SERPINE2: variants seen among roughly 807,000 people sequenced by gnomAD.
SERPINE2 encodes the protein serpin family E member 2.
In SERPINE2, 14 loss-of-function variants were observed where a neutral mutation model predicts 36.3. The observed-to-expected ratio is 0.39, with a 90% CI of 0.25 to 0.60. The LOEUF is 0.60. SERPINE2 is among the 20% of genes least tolerant of loss of function. The pLI is 0.57. For synonymous variants in SERPINE2, 192 were observed against 191.8 expected (o/e 1.00, Z -0.01); for missense variants, 418 against 499.6 (o/e 0.84, Z 1.56).
intron 1 of SERPINE2, among the ~76,000 whole-genome samples, chr2:224,017,745 A>G (rs1239708191): frequency 6.6e-6 from 1 of 152,152 alleles, no homozygotes; most frequent in African/African-American, 2.4e-5. Context: ...AAGGATTTTA[A>G]AAAGTACTAT....
At chr2:224,004,676 T>G (rs1397176026) in intron 1 of SERPINE2, among the ~76,000 whole-genome samples, 2 of 152,028 alleles carry the variant, frequency 1.3e-5, no homozygotes, top group Non-Finnish European at 2.9e-5. Flanking sequence ...TTCTTTCTTT[T>G]GAGCAATAAA....
At chr2:223,995,218 A>C (rs1318314737) in intron 3 of SERPINE2, among the ~76,000 whole-genome samples, 2 of 152,138 alleles carry the variant, frequency 1.3e-5, no homozygotes, top group Non-Finnish European at 2.9e-5. Flanking sequence ...CTCCTGCAAA[A>C]GGCCTGCGCG....
At chr2:223,996,680 C>T (rs1436012358) in intron 3 of SERPINE2, among the ~76,000 whole-genome samples, 1 of 152,208 alleles carries the variant, frequency 6.6e-6, no homozygotes, top group Non-Finnish European at 1.5e-5. Flanking sequence ...GATGCAGGGA[C>T]ACCAGTAACC....
intron 6 of SERPINE2, chr2:223,982,341 G>A (rs564683247): frequency 1.2e-5 from 2 of 166,462 alleles, no homozygotes; most frequent in African/African-American, 4.8e-5. Context: ...GGTTGGTGAG[G>A]AGCTAAAAAT....
chr2:224,019,373 G>C (rs13022548), intron 1 of SERPINE2, among the ~76,000 whole-genome samples: 19,156 of 152,214 alleles, frequency 0.13, 1,327 homozygotes, highest in Middle Eastern at 0.19. Context: ...TCAGACTGCA[G>C]GTAACTTAGG....
chr2:223,995,486 T>C (rs1222129074), intron 3 of SERPINE2, among the ~76,000 whole-genome samples: 1 of 152,236 alleles, frequency 6.6e-6, no homozygotes, highest in Non-Finnish European at 1.5e-5. Context: ...TGAAGAATTG[T>C]GCTGCTTCTC....
intron 1 of SERPINE2, chr2:224,010,296 A>G: frequency 3.2e-6 from 3 of 951,598 alleles, no homozygotes; most frequent in Non-Finnish European, 3.8e-6. Flanking sequence ...ATTCTATGAC[A>G]CTAATTAATT....
chr2:223,984,621 C>T (rs940263277), intron 5 of SERPINE2, 131 bp downstream of exon 5: 1 of 805,858 alleles, frequency 1.2e-6, no homozygotes, highest in African/African-American at 1.7e-5. Flanking sequence ...GTAATCCCAC[C>T]ATGAAATTTC....
chr2:223,995,271 G>A (rs1249515476), intron 3 of SERPINE2, among the ~76,000 whole-genome samples: 1 of 152,192 alleles, frequency 6.6e-6, no homozygotes, highest in African/African-American at 2.4e-5. Flanking sequence ...TATCATTTCC[G>A]TGAGACAGAC....
At chr2:224,028,200 A>G (rs1028424471) in intron 1 of SERPINE2, among the ~76,000 whole-genome samples, 2 of 152,238 alleles carry the variant, frequency 1.3e-5, no homozygotes. Flanking sequence ...TGAATTCTCA[A>G]CCTGCCACAG....
At chr2:224,023,397 T>C (rs1692078591) in intron 1 of SERPINE2, among the ~76,000 whole-genome samples, 1 of 152,242 alleles carries the variant, frequency 6.6e-6, no homozygotes, top group South Asian at 2.1e-4. Context: ...CACCATTTGG[T>C]GATCCAGCCT....
chr2:224,015,592 G>C (rs1212117425), intron 1 of SERPINE2, among the ~76,000 whole-genome samples: 7 of 152,130 alleles, frequency 4.6e-5, no homozygotes, highest in Non-Finnish European at 1.0e-4. Flanking sequence ...CCAACAAATA[G>C]GCAGCTCATC....
intron 1 of SERPINE2, chr2:224,030,087 T>C (rs1574851872): frequency 1.0e-6 from 1 of 985,436 alleles, no homozygotes; most frequent in Non-Finnish European, 1.2e-6. Flanking sequence ...ACGTGTTCCC[T>C]GGAAGACCTC....
At chr2:223,979,659 TG>T (rs1232944475) in intron 7 of SERPINE2, 30 of 152,226 alleles carry the variant, frequency 2.0e-4, no homozygotes. Context: ...AGGAAGCAGA[TG>T]TGGATGTTCT....
chr2:223,993,308 G>A (rs765962477), intron 3 of SERPINE2, among the ~76,000 whole-genome samples: 1 of 152,168 alleles, frequency 6.6e-6, no homozygotes, highest in Non-Finnish European at 1.5e-5. Flanking sequence ...AATGCTACCC[G>A]TGGCTGAAAG....
chr2:224,005,065 T>TATATATATATA lies in SERPINE2; in HGVS notation c.-22-3144_-22-3143insTATATATATAT, dbSNP rs1553547020. The stretch of plus-strand genomic sequence containing the variant: ...ATATATTTTATATATTTTATATATA[T>TATATATATATA]TATATATATATATATATATATATAT... On this transcript the variant is annotated intron_variant, in intron 1 of 8. Coordinates refer to ENST00000409304, the MANE Select transcript of SERPINE2 (RefSeq NM_001136528.2). 2.3e-3 allele frequency among the ~76,000 whole-genome samples: 77 copies of TATATATATATA among 33,466 alleles called. 2 individuals carry two copies. Among genetic ancestry groups the TATATATATATA allele is most frequent in the Non-Finnish European group, 3.9e-3 (61 of 15,488 alleles). 22.0% of individuals were successfully genotyped at this position (33,466 alleles called of 152,430 possible).
intron 1 of SERPINE2, among the ~76,000 whole-genome samples, chr2:224,004,340 T>C (rs1054904699): frequency 3.3e-5 from 5 of 152,224 alleles, no homozygotes; most frequent in African/African-American, 1.2e-4. Context: ...GTTTCTTATA[T>C]GTTGTGAAAC....
intron 1 of SERPINE2, among the ~76,000 whole-genome samples, chr2:224,019,165 T>A (rs1691903106): frequency 6.6e-6 from 1 of 152,164 alleles, no homozygotes; most frequent in Admixed American, 6.5e-5. Flanking sequence ...TACACTATGT[T>A]TTTTTCCTGT....
intron 1 of SERPINE2, among the ~76,000 whole-genome samples, chr2:224,020,636 C>T (rs1286735808): frequency 6.6e-6 from 1 of 152,206 alleles, no homozygotes; most frequent in Non-Finnish European, 1.5e-5. Context: ...GGCTAAACTG[C>T]AAATGCCCCA....
Sources: gnomAD v4.1 joint callset for allele counts (sites outside exome capture counted in the v4.1 genomes callset) on GRCh38, gnomAD v4.1.1 for gene constraint, MANE v1.5 for transcripts, NCBI Gene and HGNC (gene_info 2026-07-23, HGNC 2026-07-21) for gene names.